PRKAR2B: variants seen among roughly 807,000 people sequenced by gnomAD.
PRKAR2B encodes cAMP-dependent protein kinase type II-beta regulatory subunit.
Under a neutral mutation model 49.9 loss-of-function variants are expected in PRKAR2B, and 14 were observed. The observed-to-expected ratio is 0.28, with a 90% confidence interval of 0.19 to 0.44. PRKAR2B has a LOEUF of 0.44. PRKAR2B is among the 20% of genes least tolerant of loss of function. PRKAR2B has a pLI of 1.00. For missense variants in PRKAR2B, 393 were observed against 537.9 expected (o/e 0.73, Z 2.67); for synonymous variants, 196 against 197.7 (o/e 0.99, Z 0.07).
intron 7 of PRKAR2B, 106 bp downstream of exon 7, chr7:107,151,129 C>A: frequency 1.7e-6 from 1 of 590,538 alleles, no homozygotes; most frequent in Non-Finnish European, 2.7e-6. Flanking sequence ...AAAAATCTAT[C>A]CATGTTTTTA....
intron 2 of PRKAR2B, among the ~76,000 whole-genome samples, chr7:107,085,861 A>C (rs1794609306): frequency 6.6e-6 from 1 of 152,306 alleles, no homozygotes; most frequent in South Asian, 2.1e-4. Flanking sequence ...TTTAGGTACA[A>C]ATACCTGCAT....
chr7:107,045,303 C>A (rs1793668283), intron 1 of PRKAR2B, 89 bp downstream of exon 1: 1 of 1,123,086 alleles, frequency 8.9e-7, no homozygotes, highest in Non-Finnish European at 1.2e-6. Flanking sequence ...TGCCGCTTTG[C>A]GCACCCACCT....
chr7:107,138,524 C>T (rs1795738929), intron 4 of PRKAR2B, among the ~76,000 whole-genome samples: 2 of 151,862 alleles, frequency 1.3e-5, no homozygotes, highest in Non-Finnish European at 2.9e-5. Flanking sequence ...AGCAATCCTC[C>T]AATCTTGGCC....
intron 2 of PRKAR2B, among the ~76,000 whole-genome samples, chr7:107,082,409 A>G (rs1238042331): frequency 6.6e-6 from 1 of 152,122 alleles, no homozygotes; most frequent in Non-Finnish European, 1.5e-5. Context: ...ATTTATATGA[A>G]GAGAGCTATT....
At chr7:107,123,518 G>A (rs1795425975) in intron 3 of PRKAR2B, among the ~76,000 whole-genome samples, 1 of 152,218 alleles carries the variant, frequency 6.6e-6, no homozygotes, top group African/African-American at 2.4e-5. Flanking sequence ...TGGCAGGCAG[G>A]AGCCAGCCCG....
intron 2 of PRKAR2B, among the ~76,000 whole-genome samples, chr7:107,109,103 C>G (rs1795127634): frequency 2.6e-5 from 4 of 152,062 alleles, no homozygotes; most frequent in Admixed American, 2.6e-4. Flanking sequence ...GTGAGGAGTT[C>G]CCAGAACCAT....
chr7:107,082,351 T>A (rs914367624), intron 2 of PRKAR2B, among the ~76,000 whole-genome samples: 5 of 152,206 alleles, frequency 3.3e-5, no homozygotes, highest in Non-Finnish European at 5.9e-5. Context: ...TCCCCCCATT[T>A]GTGTCCTTAG....
Position 107,045,142 on chromosome 7 carries a change from G to C in PRKAR2B, c.235G>C (p.Glu79Gln). 6 of 1,517,022 alleles carry C rather than the reference G, an allele frequency of 4.0e-6. No homozygotes were observed. The highest frequency in any genetic ancestry group is 5.3e-6 in the Non-Finnish European group (6 of 1,134,616). 94.0% of individuals were successfully genotyped at this position (1,517,022 alleles called of 1,614,324 possible). The change falls in exon 1 of 11, where the codon GAG becomes CAG. Residue 79 changes from glutamate (E) to glutamine (Q), a missense_variant. Transcript: ENST00000265717. ...TPSKGVNFAEEPMQSDSEDGE... is the reference protein window; with the variant it reads ...TPSKGVNFAEQPMQSDSEDGE... Reference sequence around the variant, plus strand: ...CAGCAAGGGGGTCAACTTCGCCGAGGAGCCCATGCAGTCCGACTCCGAGGA... The same window carrying C: ...CAGCAAGGGGGTCAACTTCGCCGAGCAGCCCATGCAGTCCGACTCCGAGGA...
intron 1 of PRKAR2B, among the ~76,000 whole-genome samples, chr7:107,053,921 A>T (rs2237650): frequency 2.6e-5 from 4 of 151,980 alleles, no homozygotes; most frequent in African/African-American, 7.2e-5. Context: ...TTTTGTTAGG[A>T]GAGAGATCGT....
chr7:107,051,192 A>G (rs1295075792), intron 1 of PRKAR2B, among the ~76,000 whole-genome samples: 1 of 152,234 alleles, frequency 6.6e-6, no homozygotes, highest in Non-Finnish European at 1.5e-5. Flanking sequence ...CTTACATCAT[A>G]TGAATTTTTT....
intron 2 of PRKAR2B, among the ~76,000 whole-genome samples, chr7:107,074,133 T>A (rs1794342515): frequency 6.6e-6 from 1 of 152,096 alleles, no homozygotes. Flanking sequence ...TATTTGTATT[T>A]GAGATGGAGC....
chr7:107,157,015 A>G lies in PRKAR2B; in HGVS notation c.950A>G (p.Glu317Gly). ...GDSADSFFIV[E>G]SGEVKITMKR... ...TCGGCTGATTCTTTTTTCATTGTAGAATCTGGAGAAGTGAAAATTACTATG... is the reference window on the plus strand; with the variant it reads ...TCGGCTGATTCTTTTTTCATTGTAGGATCTGGAGAAGTGAAAATTACTATG... The change falls in exon 9 of 11, where the codon GAA becomes GGA. Residue 317 changes from glutamate (E) to glycine (G), a missense_variant. Physicochemically the swap from Glu to Gly is moderately conservative, Grantham distance 98 (BLOSUM62 -2). This residue lies in a region of PRKAR2B where 233 missense variants were observed against 390.4 expected (regional missense o/e 0.60). Transcript: ENST00000265717. 6.2e-7 allele frequency: 1 copy of G among 1,612,332 alleles called. No individual in the cohort carries two copies. Among genetic ancestry groups the G allele is most frequent in the Non-Finnish European group, 8.5e-7 (1 of 1,178,446 alleles).
At chr7:107,132,671 A>C (rs566984514) in intron 4 of PRKAR2B, among the ~76,000 whole-genome samples, 185 of 152,300 alleles carry the variant, frequency 1.2e-3, no homozygotes, top group African/African-American at 4.3e-3. Flanking sequence ...AGCTGGAGTG[A>C]CTGCGAAGTT....
chr7:107,054,115 C>T (rs1161507368), intron 1 of PRKAR2B, among the ~76,000 whole-genome samples: 2 of 151,944 alleles, frequency 1.3e-5, no homozygotes. Context: ...TTTGGGAGGC[C>T]GAGGCGGGCG....
chr7:107,145,960 C>G (rs1795886003), intron 5 of PRKAR2B, among the ~76,000 whole-genome samples: 1 of 151,992 alleles, frequency 6.6e-6, no homozygotes, highest in East Asian at 1.9e-4. Flanking sequence ...AGGCTGGTCT[C>G]AAACTCCTAA....
intron 1 of PRKAR2B, among the ~76,000 whole-genome samples, chr7:107,050,006 T>G (rs2116745420): frequency 6.6e-6 from 1 of 152,324 alleles, no homozygotes; most frequent in South Asian, 2.1e-4. Flanking sequence ...AAGCAGAAGT[T>G]AAGAACATTA....
intron 2 of PRKAR2B, among the ~76,000 whole-genome samples, chr7:107,099,759 T>C (rs530346215): frequency 6.6e-6 from 1 of 151,862 alleles, no homozygotes; most frequent in East Asian, 1.9e-4. Context: ...CTTAGCCTCC[T>C]GAGTAGCTGG....
chr7:107,103,811 C>T lies in PRKAR2B; in HGVS notation c.344-18141C>T, dbSNP rs1385443264. ...CAGTGGTCTAGGATTCTTCCTGAAT[C>T]TTTCAGTTAGAACACCCAAAGCTAT... On this transcript the variant is annotated intron_variant, in intron 2 of 10. Transcript: ENST00000265717. Among the ~76,000 whole-genome samples the T allele has an allele frequency of 2.0e-5, 3 of 152,204 alleles. 1 individual carries two copies. Among genetic ancestry groups the T allele is most frequent in the Admixed American group, 2.0e-4 (3 of 15,276 alleles).
intron 2 of PRKAR2B, chr7:107,077,410 A>G (rs1305428620): frequency 6.6e-6 from 1 of 152,182 alleles, no homozygotes; most frequent in Non-Finnish European, 1.5e-5. Flanking sequence ...GAGAAAACAT[A>G]CAGTTTTTCC....
Sources: gnomAD v4.1 joint callset for allele counts (sites outside exome capture counted in the v4.1 genomes callset) on GRCh38, gnomAD v4.1.1 for gene constraint, gnomAD v4.1.1 regional missense constraint, MANE v1.5 for transcripts, NCBI Gene and HGNC (gene_info 2026-07-23, HGNC 2026-07-21) for gene names.